SPEG: variants seen among roughly 807,000 people sequenced by gnomAD.
The protein encoded by SPEG is striated muscle enriched protein kinase, also known as striated muscle preferentially expressed protein kinase.
A neutral mutation model predicts 300.4 loss-of-function variants in SPEG; 114 were observed. The ratio of observed to expected loss-of-function variants is 0.38; its 90% CI spans 0.33 to 0.44. The LOEUF is 0.44. SPEG is among the 20% of genes least tolerant of loss of function. The pLI is 1.00. For synonymous variants in SPEG, 1,964 were observed against 2,018.9 expected, an observed-to-expected ratio of 0.97 and a Z score of 0.73; for missense variants, 4,201 against 4,586.2, an observed-to-expected ratio of 0.92 and a Z score of 2.43.
At chr2:219,436,516 T>C (rs1954723874) in intron 1 of SPEG, among the ~76,000 whole-genome samples, 1 of 152,200 alleles carries the variant, frequency 6.6e-6, no homozygotes, top group Admixed American at 6.5e-5. Context: ...CCCTGGGTGC[T>C]GCTGTGTAGG....
At position 219,464,834 on chromosome 2, in the gene SPEG, A is replaced by C; in HGVS notation, c.2881+226A>C. 5 of 525,306 alleles carry C rather than the reference A, an allele frequency of 9.5e-6. No individual in the cohort carries two copies. The highest frequency in any genetic ancestry group is 6.9e-5 in the Admixed American group (2 of 28,924). The allele number at this position is 525,306 out of a possible 1,614,324, so 32.5% of individuals were successfully genotyped here. On this transcript the variant is annotated intron_variant, in intron 9 of 40. Transcript: ENST00000312358. This position sits in a 1 kb window ranked among gnomAD's most constrained non-coding sequence, Gnocchi z 4.5. ...TGTTCCGTGCTCAGCTTACTACACA[A>C]CACCACCTTCCCTGTTGCTCCATCA...
At chr2:219,470,899 G>A (rs898434270) in intron 13 of SPEG, among the ~76,000 whole-genome samples, 2 of 152,178 alleles carry the variant, frequency 1.3e-5, no homozygotes, top group Admixed American at 1.3e-4. Context: ...GTATAGGCTG[G>A]GCACAGAGCA....
Position 219,464,310 on chromosome 2 carries a change from C to A in SPEG, c.2706-123C>A. 9.2e-7 allele frequency: 1 copy of A among 1,085,236 alleles called. No homozygotes were observed. Among genetic ancestry groups the A allele is most frequent in the Non-Finnish European group, 1.3e-6 (1 of 762,172 alleles). The allele number at this position is 1,085,236 out of a possible 1,614,324, so 67.2% of individuals were successfully genotyped here. A position where few individuals can be genotyped will look rare whatever the true frequency, so the allele number is the denominator to read the frequency against. On this transcript the variant is annotated intron_variant, in intron 8 of 40. Transcript: ENST00000312358. This position sits in a 1 kb window ranked among gnomAD's most constrained non-coding sequence, Gnocchi z 4.5. ...CCAGGGATGCCCACGGTCAGTGGGA[C>A]AGATCTGGGGACTGGGCAAACTGCA...
In SPEG at chr2:219,488,863, G is replaced by A; in HGVS notation, c.8112G>A (p.Arg2704=). 6.3e-7 allele frequency: 1 copy of A among 1,587,782 alleles called. No homozygotes were observed. Among genetic ancestry groups the A allele is most frequent in the Non-Finnish European group, 8.6e-7 (1 of 1,166,072 alleles). The change falls in exon 34 of 41, where the codon CGG becomes CGA. Residue 2704 remains arginine (R), a synonymous_variant. Coordinates refer to ENST00000312358, the MANE Select transcript of SPEG (RefSeq NM_005876.5). ...ALVLWKPGDS[R]APCTYTLERR... is the part of the protein sequence containing the mutation. ...TGCTGTGGAAGCCGGGAGACAGCCG[G>A]GCACCTTGCACGTATACGCTGGAGC...
chr2:219,451,297 G>A lies in SPEG; in HGVS notation c.2257+18G>A. 1 of 1,594,694 alleles carries A rather than the reference G, an allele frequency of 6.3e-7. No homozygotes were observed. ...GCCCCAAGGTGAGCTCCAGCACTGG[G>A]CCAAGGTGCGGTCGAGGTTGGGAGG... On this transcript the variant is annotated intron_variant, in intron 5 of 40. Transcript: ENST00000312358. This position sits in a 1 kb window ranked among gnomAD's most constrained non-coding sequence, Gnocchi z 6.4.
rs376189723 is a variant in SPEG, at chr2:219,472,905, C to T, written c.3956C>T (p.Thr1319Met). The part of the protein sequence containing the change: ...LDMAIDPDSL[T>M]YTVQHQVLGS... ...CTCCCGCCAGACCCGGACTCCCTGA[C>T]GTACACAGTGCAGCACCAGGTGCTG... The change falls in exon 16 of 41, where the codon ACG (threonine) becomes ATG (methionine). Residue 1319 changes from threonine (T) to methionine (M), a missense_variant. Physicochemically the swap from Thr to Met is moderately conservative, Grantham distance 81. This residue lies in a region of SPEG where 1,047 missense variants were observed against 1,356.8 expected (regional missense o/e 0.77). Coordinates refer to ENST00000312358, the MANE Select transcript of SPEG (RefSeq NM_005876.5). The T allele has an allele frequency of 4.7e-5, 76 of 1,602,340 alleles. No homozygotes were observed. Among genetic ancestry groups the T allele is most frequent in the South Asian group, 3.8e-4 (34 of 90,164 alleles).
chr2:219,475,574 C>G (rs1170789417), intron 18 of SPEG, among the ~76,000 whole-genome samples: 1 of 152,146 alleles, frequency 6.6e-6, no homozygotes. Flanking sequence ...TGTCTCCCTC[C>G]TTGCCTGCCC....
Position 219,479,994 on chromosome 2 carries a change from G to T in SPEG, c.5196G>T (p.Ala1732=), listed in dbSNP as rs61743627. The change falls in exon 25 of 41, where the codon GCG becomes GCT. Residue 1732 remains alanine, a synonymous_variant. Transcript: ENST00000312358. This position sits in a 1 kb window ranked among gnomAD's most constrained non-coding sequence, Gnocchi z 5.5. ...ACCTGCTGGTGTGGGATGGTGCTGC[G>T]GGCGAGCAGCAGGTGCGGATCTGTG... ...PENLLVWDGA[A]GEQQVRICDF... 5 of 1,614,008 alleles carry T rather than the reference G, an allele frequency of 3.1e-6. No individual in the cohort carries two copies. Among genetic ancestry groups the T allele is most frequent in the Non-Finnish European group, 4.2e-6 (5 of 1,180,034 alleles).
chr2:219,473,263 A>T lies in SPEG; in HGVS notation c.4147+167A>T, dbSNP rs1692052173. 2 of 781,904 alleles carry T rather than the reference A, an allele frequency of 2.6e-6. No individual in the cohort carries two copies. Among genetic ancestry groups the T allele is most frequent in the East Asian group, 5.4e-5 (2 of 37,130 alleles). 48.4% of individuals were successfully genotyped at this position (781,904 alleles called of 1,614,324 possible). A position where few individuals can be genotyped will look rare whatever the true frequency, so the allele number is the denominator to read the frequency against. On this transcript the variant is annotated intron_variant, in intron 16 of 40. Coordinates refer to ENST00000312358, the MANE Select transcript of SPEG (RefSeq NM_005876.5). This position sits in a 1 kb window ranked among gnomAD's most constrained non-coding sequence, Gnocchi z 4.6. The stretch of plus-strand genomic sequence containing the variant: ...ACACTTCCTTCTCCCTCCTGAAAGC[A>T]GCAGGGCACGGTGGCTGAAGCTCAG...
chr2:219,451,510 C>T lies in SPEG; in HGVS notation c.2258-115C>T. On this transcript the variant is annotated intron_variant, in intron 5 of 40. Transcript: ENST00000312358. This position sits in a 1 kb window ranked among gnomAD's most constrained non-coding sequence, Gnocchi z 6.4. ...AATGAGGGCGGACTCTTCCAGATTCCCTGGGGTGCTGAGAGGAGAGGTTTG... is the reference window on the plus strand; with the variant it reads ...AATGAGGGCGGACTCTTCCAGATTCTCTGGGGTGCTGAGAGGAGAGGTTTG... 8.3e-7 allele frequency: 1 copy of T among 1,203,892 alleles called. No individual in the cohort carries two copies. The highest frequency in any genetic ancestry group is 1.1e-6 in the Non-Finnish European group (1 of 897,918). 74.6% of individuals were successfully genotyped at this position (1,203,892 alleles called of 1,614,324 possible).
rs1329808442 is a variant in SPEG at position 219,451,856 on chromosome 2, TC to T, written c.2440+53del. ...GCTGGGTGGGGGCAAGCCGTGACTCTCCCCTGGCCCAGGCCCCAGTCCACCT... is the reference window on the plus strand; with the variant it reads ...GCTGGGTGGGGGCAAGCCGTGACTCTCCCTGGCCCAGGCCCCAGTCCACCT... On this transcript the variant is annotated intron_variant, in intron 6 of 40. Transcript: ENST00000312358. This position sits in a 1 kb window ranked among gnomAD's most constrained non-coding sequence, Gnocchi z 6.4. 1 of 1,475,356 alleles carries T rather than the reference TC, an allele frequency of 6.8e-7. No homozygotes were observed. The highest frequency in any genetic ancestry group is 1.4e-5 in the South Asian group (1 of 73,724). The allele number at this position is 1,475,356 out of a possible 1,614,324, so 91.4% of individuals were successfully genotyped here.
intron 6 of SPEG, among the ~76,000 whole-genome samples, chr2:219,452,629 C>T (rs917431726): frequency 6.6e-6 from 1 of 151,996 alleles, no homozygotes; most frequent in African/African-American, 2.4e-5. Flanking sequence ...GGGGACAGTG[C>T]GGAGCAGATG....
At chr2:219,438,174 T>A (rs756816007) in intron 1 of SPEG, among the ~76,000 whole-genome samples, 4 of 151,856 alleles carry the variant, frequency 2.6e-5, no homozygotes, top group African/African-American at 9.7e-5. Flanking sequence ...GAGGGAAGAA[T>A]CGGAAACAAA....
chr2:219,442,536 C>T (rs1474774750), intron 1 of SPEG, among the ~76,000 whole-genome samples: 2 of 151,468 alleles, frequency 1.3e-5, no homozygotes, highest in East Asian at 3.9e-4. Context: ...CAATACATTC[C>T]CCAAGCCCTG....
rs1331644780 is a variant in SPEG at position 219,448,888 on chromosome 2, C to T, written c.1730C>T (p.Ala577Val). The stretch of plus-strand genomic sequence containing the variant: ...GGGAGGCCCAGGAGCCGCGGGCCGG[C>T]GGGCAGGACAGAGCCGGGGGAAGGC... ...EPGRPRSRGP[A>V]GRTEPGEGPQ... Residue 577 changes from alanine (A) to valine (V), a missense_variant, in exon 4 of 41, where the codon GCG (alanine) becomes GTG (valine). Physicochemically the swap from Ala to Val is moderately conservative, Grantham distance 64. Coordinates refer to ENST00000312358, the MANE Select transcript of SPEG (RefSeq NM_005876.5). The T allele has an allele frequency of 1.4e-6, 2 of 1,412,164 alleles. No homozygotes were observed. Among genetic ancestry groups the T allele is most frequent in the East Asian group, 3.0e-5 (1 of 33,630 alleles). 87.5% of individuals were successfully genotyped at this position (1,412,164 alleles called of 1,614,324 possible). A position where few individuals can be genotyped will look rare whatever the true frequency, so the allele number is the denominator to read the frequency against.
At chr2:219,475,304 C>T (rs1450003124) in intron 18 of SPEG, among the ~76,000 whole-genome samples, 1 of 152,138 alleles carries the variant, frequency 6.6e-6, no homozygotes, top group Non-Finnish European at 1.5e-5. Flanking sequence ...TTTTACTTAG[C>T]ACAGGCAATC....
chr2:219,442,115 G>T, intron 1 of SPEG: 1 of 1,178,808 alleles, frequency 8.5e-7, no homozygotes, highest in South Asian at 4.3e-5. Context: ...GGCGCCGGGA[G>T]GGGGCAGGGA....
intron 18 of SPEG, chr2:219,474,237 G>T: frequency 5.2e-6 from 1 of 192,894 alleles, no homozygotes; most frequent in Non-Finnish European, 1.1e-5. Flanking sequence ...AATTAGCTGG[G>T]TGTGGCGGCA....
In SPEG at chr2:219,459,987, C is replaced by G. The variant is rs1690515366; in HGVS notation, c.2441-1895C>G. ...GGACATGTGACCCCTGCTCAACAGC[C>G]CCCTTCTCTCAGGTTCTGTGTCCAA... On this transcript the variant is annotated intron_variant, in intron 6 of 40. Coordinates refer to ENST00000312358, the MANE Select transcript of SPEG (RefSeq NM_005876.5). This position sits in a 1 kb window ranked among gnomAD's most constrained non-coding sequence, Gnocchi z 4.9. Among the ~76,000 whole-genome samples, 1 of 152,228 alleles carries G rather than the reference C, an allele frequency of 6.6e-6. No homozygotes were observed. Among genetic ancestry groups the G allele is most frequent in the Admixed American group, 6.5e-5 (1 of 15,282 alleles).
Sources: allele counts gnomAD v4.1 joint callset (sites outside exome capture counted in the v4.1 genomes callset), GRCh38; gene constraint gnomAD v4.1.1; regional missense constraint gnomAD v4.1.1; non-coding constraint Gnocchi (gnomAD v3.1); transcripts MANE v1.5; gene names NCBI Gene and HGNC (gene_info 2026-07-23, HGNC 2026-07-21).